The following FER1L5 variants were observed in gnomAD, a reference collection of about 807,000 sequenced individuals.
FER1L5 encodes the protein fer-1 like family member 5, also known as fer-1-like protein 5.
Under a neutral mutation model 279.9 loss-of-function variants are expected in FER1L5, and 187 were observed. That is an observed-to-expected ratio of 0.67 (90% confidence interval 0.59 to 0.75). FER1L5 has a LOEUF of 0.75. FER1L5 is among the 30% of genes least tolerant of loss of function. The pLI is 0.00. For missense variants in FER1L5, 2,091 were observed against 2,594.4 expected, an observed-to-expected ratio of 0.81 and a Z score of 4.21; for synonymous variants, 921 against 989.7, an observed-to-expected ratio of 0.93 and a Z score of 1.30.
intron 41 of FER1L5, 29 bp from the exon 42 acceptor site, chr2:96,699,016 A>T: frequency 6.3e-7 from 1 of 1,589,388 alleles, no homozygotes. Context: ...CCCAGTTCCT[A>T]TCCTTCCCCC....
In FER1L5 at chr2:96,689,071, A is replaced by G. The variant is rs2077042400; in HGVS notation, c.2362-142A>G. 4 of 997,224 alleles carry G rather than the reference A, an allele frequency of 4.0e-6. No homozygotes were observed. The highest frequency in any genetic ancestry group is 5.8e-6 in the Non-Finnish European group (4 of 690,534). 61.8% of individuals were successfully genotyped at this position (997,224 alleles called of 1,614,324 possible). ...GGGCCTCAGTGCCCTCACCTGTGCA[A>G]TGGGGACATGGCCCTTTCTTGCCTG... is the stretch of plus-strand genomic sequence containing the variant. On this transcript the variant is annotated intron_variant, in intron 24 of 52. Coordinates refer to ENST00000624922, the MANE Select transcript of FER1L5 (RefSeq NM_001293083.2). The surrounding 1 kb of genome is among the most constrained non-coding windows in gnomAD (Gnocchi z 4.6).
Position 96,647,013 on chromosome 2 carries a change from T to G in FER1L5, c.139-51T>G, listed in dbSNP as rs554488453. The G allele has an allele frequency of 3.0e-5, 45 of 1,524,022 alleles. No homozygotes were observed. In the East Asian group the frequency reaches 1.1e-3, roughly 37 times the overall value. 94.4% of individuals were successfully genotyped at this position (1,524,022 alleles called of 1,614,324 possible). ...CGTCTTTCCTCATTTCCTAGAAACA[T>G]GGGATGGGAAGGGCAGAGGGAGGAT... On this transcript the variant is annotated intron_variant, in intron 2 of 52. Transcript: ENST00000624922.
intron 8 of FER1L5, 99 bp downstream of exon 8, chr2:96,653,801 AC>A: frequency 2.4e-6 from 2 of 831,448 alleles, no homozygotes; most frequent in South Asian, 3.2e-5. Context: ...AGCCAGGGGC[AC>A]TTCAGATTGT....
chr2:96,692,281 C>T (rs2077183349), intron 31 of FER1L5, 100 bp downstream of exon 31: 1 of 1,278,424 alleles, frequency 7.8e-7, no homozygotes, highest in African/African-American at 1.5e-5. Context: ...GCTTGCAGTC[C>T]CAGCCAGGGC....
chr2:96,677,104 A>G (rs1310399317), intron 19 of FER1L5, among the ~76,000 whole-genome samples: 1 of 152,236 alleles, frequency 6.6e-6, no homozygotes, highest in Non-Finnish European at 1.5e-5. Context: ...AGCTTCCTAA[A>G]GTGCTGGGAT....
chr2:96,646,468 A>G lies in FER1L5; in HGVS notation c.138+15A>G. 1 of 1,551,678 alleles carries G rather than the reference A, an allele frequency of 6.4e-7. No individual in the cohort carries two copies. Among genetic ancestry groups the G allele is most frequent in the Non-Finnish European group, 8.7e-7 (1 of 1,146,856 alleles). On this transcript the variant is annotated intron_variant, in intron 2 of 52. Transcript: ENST00000624922. ...TGTGGAATGAGGTAGACAACAGGGC[A>G]AGCCCAGAAGAGGAAATAACAACCC... is the stretch of plus-strand genomic sequence containing the variant.
Position 96,694,262 on chromosome 2 carries a change from GC to G in FER1L5, c.3637-97del. On this transcript the variant is annotated intron_variant, in intron 33 of 52. Coordinates refer to ENST00000624922, the MANE Select transcript of FER1L5 (RefSeq NM_001293083.2). This position sits in a 1 kb window ranked among gnomAD's most constrained non-coding sequence, Gnocchi z 4.6. Reference sequence around the variant, plus strand: ...CCCCCTGCCAGCCCCTACCCATGGGGCTCTGGGCTCGGTGAGGCCTCTGAGG... The same window carrying G: ...CCCCCTGCCAGCCCCTACCCATGGGGTCTGGGCTCGGTGAGGCCTCTGAGG... 1 of 1,341,884 alleles carries G rather than the reference GC, an allele frequency of 7.5e-7. No homozygotes were observed. The highest frequency in any genetic ancestry group is 1.5e-5 in the South Asian group (1 of 66,752). 83.1% of individuals were successfully genotyped at this position (1,341,884 alleles called of 1,614,324 possible). A position where few individuals can be genotyped will look rare whatever the true frequency, so the allele number is the denominator to read the frequency against.
At chr2:96,701,847 G>T in intron 45 of FER1L5, 108 bp from the exon 46 acceptor site, 1 of 1,020,112 alleles carries the variant, frequency 9.8e-7, no homozygotes, top group Non-Finnish European at 1.5e-6. Flanking sequence ...CCTCGGTGTT[G>T]GGAACACAAC....
chr2:96,654,077 GC>G (rs2075495350), intron 8 of FER1L5: 1 of 298,542 alleles, frequency 3.3e-6, no homozygotes. Context: ...CCAGCACAGG[GC>G]TAAGGAGAAC....
In FER1L5 at chr2:96,698,099, C is replaced by A; in HGVS notation, c.4299C>A (p.Thr1433=). The A allele has an allele frequency of 6.3e-7, 1 of 1,588,664 alleles. No individual in the cohort carries two copies. Among genetic ancestry groups the A allele is most frequent in the African/African-American group, 1.3e-5 (1 of 74,446 alleles). ...AGGGCCTGCAGGACTTCTGCCAGAC[C>A]TTCAAACTCTACCAGGAGCAGCCCA... ...AFQGLQDFCQ[T]FKLYQEQPKL... The change falls in exon 40 of 53, where the codon ACC becomes ACA. Residue 1433 remains threonine (T), a synonymous_variant. Transcript: ENST00000624922. The surrounding 1 kb of genome is among the most constrained non-coding windows in gnomAD (Gnocchi z 5.5).
In FER1L5 at chr2:96,690,565, C is replaced by A; in HGVS notation, c.2719C>A (p.Leu907Met). Residue 907 changes from leucine to methionine, a missense_variant, in exon 27 of 53, where the codon CTG (leucine) becomes ATG (methionine). Leu to Met is a conservative substitution (Grantham distance 15, BLOSUM62 2). Transcript: ENST00000624922. ...WHFKKDWVVE[L>M]NHAVDSKGWE... ...CTTTAAGAAGGACTGGGTGGTGGAG[C>A]TGAACCACGCAGTGGACAGTAAGGG... The A allele has an allele frequency of 6.4e-7, 1 of 1,551,684 alleles. No homozygotes were observed.
At chr2:96,647,317 G>A (rs2075176932) in intron 3 of FER1L5, among the ~76,000 whole-genome samples, 162 bp downstream of exon 3, 1 of 152,164 alleles carries the variant, frequency 6.6e-6, no homozygotes, top group Non-Finnish European at 1.5e-5. Context: ...GGTAGCCAGG[G>A]CAAGACTGCA....
At chr2:96,670,623 CAA>C (rs796839112) in intron 18 of FER1L5, among the ~76,000 whole-genome samples, 1 of 138,082 alleles carries the variant, frequency 7.2e-6, no homozygotes, top group South Asian at 2.3e-4. Flanking sequence ...ACTAAAAATA[CAA>C]AAAAAAAAAA....
chr2:96,644,802 G>C (rs757616291), intron 1 of FER1L5, among the ~76,000 whole-genome samples: 1 of 152,212 alleles, frequency 6.6e-6, no homozygotes, highest in Non-Finnish European at 1.5e-5. Context: ...CAGTCTGCAG[G>C]TTTCAAGAGG....
At chr2:96,669,005 G>T in intron 16 of FER1L5, 37 bp downstream of exon 16, 1 of 1,551,504 alleles carries the variant, frequency 6.4e-7, no homozygotes, top group Non-Finnish European at 8.7e-7. Context: ...TACACCCCTC[G>T]TCCTGCGCCC....
chr2:96,703,272 T>C lies in FER1L5; in HGVS notation c.5617T>C (p.Ser1873Pro). 6.2e-7 allele frequency: 1 copy of C among 1,613,858 alleles called. No individual in the cohort carries two copies. Among genetic ancestry groups the C allele is most frequent in the Non-Finnish European group, 8.5e-7 (1 of 1,179,864 alleles). Residue 1873 changes from serine (S) to proline (P), a missense_variant, in exon 50 of 53, where the codon TCC (serine) becomes CCC (proline). Coordinates refer to ENST00000624922, the MANE Select transcript of FER1L5 (RefSeq NM_001293083.2). ...WPYFIQYKHF[S>P]LFKKKTVTGW... ...CTATTTCATCCAATACAAGCACTTC[T>C]CCCTCTTTAAGAAGAAGACTGTGAC...
intron 19 of FER1L5, among the ~76,000 whole-genome samples, chr2:96,682,782 T>C (rs988044718): frequency 6.6e-5 from 10 of 152,358 alleles, no homozygotes; most frequent in Middle Eastern, 3.4e-3. Context: ...CATGGCTCAT[T>C]GTAGCCTCAA....
In FER1L5 at chr2:96,703,085, C is replaced by G; in HGVS notation, c.5497+8C>G. The stretch of plus-strand genomic sequence containing the variant: ...CCCCCGACGACTTCCTAGGTGAGGT[C>G]CTGACACAGGGCTTGTGACCACAGG... On this transcript the variant is annotated splice_region_variant and intron_variant, in intron 49 of 52. Transcript: ENST00000624922. 1 of 1,613,752 alleles carries G rather than the reference C, an allele frequency of 6.2e-7. No homozygotes were observed. The highest frequency in any genetic ancestry group is 1.7e-5 in the Admixed American group (1 of 59,980).
chr2:96,650,432 C>T, intron 6 of FER1L5, 143 bp downstream of exon 6: 1 of 681,438 alleles, frequency 1.5e-6, no homozygotes, highest in East Asian at 2.7e-5. Context: ...ATCCTTGCCA[C>T]ATGCCCTGCT....
Sources: allele counts gnomAD v4.1 joint callset (sites outside exome capture counted in the v4.1 genomes callset), GRCh38; gene constraint gnomAD v4.1.1; non-coding constraint Gnocchi (gnomAD v3.1); transcripts MANE v1.5; gene names NCBI Gene and HGNC (gene_info 2026-07-23, HGNC 2026-07-21).